DLGAP5: variants seen among roughly 807,000 people sequenced by gnomAD.
DLGAP5 encodes DLG associated protein 5.
DLGAP5 carries 90 observed loss-of-function variants against 99.6 expected under a neutral mutation model. The ratio of observed to expected loss-of-function variants is 0.90; its 90% confidence interval spans 0.76 to 1.08. DLGAP5 has a LOEUF of 1.08. DLGAP5 is among the 50% of genes least tolerant of loss of function. The pLI is 0.00. For synonymous variants in DLGAP5, 311 were observed against 321.3 expected, an observed-to-expected ratio of 0.97 and a Z score of 0.34; for missense variants, 1,036 against 983.5, an observed-to-expected ratio of 1.05 and a Z score of -0.71.
chr14:55,149,252 T>G (rs1299696034), intron 18 of DLGAP5, among the ~76,000 whole-genome samples: 1 of 152,210 alleles, frequency 6.6e-6, no homozygotes, highest in Non-Finnish European at 1.5e-5. Context: ...AATCAATCAT[T>G]CAGGGTTCGA....
Position 55,158,442 on chromosome 14 carries a change from C to G in DLGAP5, c.1873+80G>C, listed in dbSNP as rs1018720255. On this transcript the variant is annotated intron_variant, in intron 14 of 18. Transcript: ENST00000247191. Reference sequence around the variant, plus strand: ...GTAAAAAACTATTTTTCACCTTACACAAGCCCCCATCTATCCCAAATATTT... The same window carrying G: ...GTAAAAAACTATTTTTCACCTTACAGAAGCCCCCATCTATCCCAAATATTT... 1.1e-5 allele frequency: 13 copies of G among 1,208,088 alleles called. No individual in the cohort carries two copies. The East Asian group carries it at 3.2e-4, about 30-fold the overall frequency. 74.8% of individuals were successfully genotyped at this position (1,208,088 alleles called of 1,614,324 possible). A position where few individuals can be genotyped will look rare whatever the true frequency, so the allele number is the denominator to read the frequency against.
intron 1 of DLGAP5, among the ~76,000 whole-genome samples, chr14:55,189,656 T>A (rs776605629): frequency 5.9e-5 from 9 of 152,172 alleles, no homozygotes; most frequent in Non-Finnish European, 1.0e-4. Context: ...GGCAACCGGA[T>A]ACAGATAGAG....
chr14:55,149,052 T>C (rs1411978348), intron 18 of DLGAP5, among the ~76,000 whole-genome samples: 2 of 152,170 alleles, frequency 1.3e-5, no homozygotes, highest in African/African-American at 4.8e-5. Flanking sequence ...AACCAATAAT[T>C]TGGGTCTAAA....
rs1566501001 is a variant in DLGAP5, at chr14:55,169,570, T to C, written c.1388-11A>G. On this transcript the variant is annotated splice_polypyrimidine_tract_variant and intron_variant, in intron 11 of 18. Transcript: ENST00000247191. ...GAATAAGATCTTTAGCTGAAGGAAA[T>C]AAGAGATTTTTTAAAATTAAAGGAC... 6.3e-7 allele frequency: 1 copy of C among 1,574,994 alleles called. No individual in the cohort carries two copies. The highest frequency in any genetic ancestry group is 1.7e-4 in the Middle Eastern group (1 of 5,878).
At chr14:55,184,928 A>G (rs1389313621) in intron 2 of DLGAP5, among the ~76,000 whole-genome samples, 1 of 152,192 alleles carries the variant, frequency 6.6e-6, no homozygotes, top group Non-Finnish European at 1.5e-5. Flanking sequence ...TTATTGTTTT[A>G]AGCTGCTAAG....
At chr14:55,158,465 T>C in intron 14 of DLGAP5, 57 bp downstream of exon 14, 1 of 1,456,600 alleles carries the variant, frequency 6.9e-7, no homozygotes, top group East Asian at 2.3e-5. Flanking sequence ...ATCCCAAATA[T>C]TTCTCTTAAG....
chr14:55,188,698 A>G (rs1294330116), intron 2 of DLGAP5, among the ~76,000 whole-genome samples: 2 of 150,126 alleles, frequency 1.3e-5, no homozygotes, highest in African/African-American at 4.9e-5. Flanking sequence ...TAATTCCTTG[A>G]GCCCAGGAAT....
At chr14:55,190,759 C>CGAGGAGA (rs1883588129) in intron 1 of DLGAP5, among the ~76,000 whole-genome samples, 1 of 152,020 alleles carries the variant, frequency 6.6e-6, no homozygotes, top group Non-Finnish European at 1.5e-5. Flanking sequence ...CCTCTAAGAC[C>CGAGGAGA]CAAGGAAAGT....
At chr14:55,153,780 G>A (rs981617390) in intron 15 of DLGAP5, among the ~76,000 whole-genome samples, 5 of 151,652 alleles carry the variant, frequency 3.3e-5, no homozygotes, top group East Asian at 2.0e-4. Flanking sequence ...AAAGTAGGCC[G>A]GGCATGGTGG....
In DLGAP5 at chr14:55,169,569, A is replaced by G. The variant is rs1386948618; in HGVS notation, c.1388-10T>C. ...CGAATAAGATCTTTAGCTGAAGGAA[A>G]TAAGAGATTTTTTAAAATTAAAGGA... On this transcript the variant is annotated splice_polypyrimidine_tract_variant and intron_variant, in intron 11 of 18. Coordinates refer to ENST00000247191, the MANE Select transcript of DLGAP5 (RefSeq NM_014750.5). 6.3e-7 allele frequency: 1 copy of G among 1,576,848 alleles called. No homozygotes were observed.
intron 2 of DLGAP5, 134 bp downstream of exon 2, chr14:55,188,808 A>C: frequency 1.6e-6 from 1 of 631,610 alleles, no homozygotes; most frequent in Non-Finnish European, 2.6e-6. Context: ...AAAAGGAAAA[A>C]GACCAAAAAG....
chr14:55,169,811 ACT>A (rs1882789242), intron 11 of DLGAP5, among the ~76,000 whole-genome samples: 1 of 152,216 alleles, frequency 6.6e-6, no homozygotes, highest in Non-Finnish European at 1.5e-5. Context: ...TTCTTGTTGT[ACT>A]TTATAAGAAC....
Position 55,154,748 on chromosome 14 carries a change from G to A in DLGAP5, c.1932C>T (p.Asn644=). 1.2e-6 allele frequency: 2 copies of A among 1,614,116 alleles called. No homozygotes were observed. Among genetic ancestry groups the A allele is most frequent in the Non-Finnish European group, 1.7e-6 (2 of 1,180,012 alleles). The stretch of plus-strand genomic sequence containing the variant: ...CATTTCTACTCTGAGATACAGCTTT[G>A]TTGACAGACTTAGGTGTTCCAAGTC... ...SQRLGTPKSV[N]KAVSQSRNEM... The change falls in exon 15 of 19, where the codon AAC becomes AAT. Residue 644 remains asparagine (N), a synonymous_variant. Coordinates refer to ENST00000247191, the MANE Select transcript of DLGAP5 (RefSeq NM_014750.5).
intron 14 of DLGAP5, among the ~76,000 whole-genome samples, chr14:55,156,736 C>A (rs576184910): frequency 6.6e-6 from 1 of 152,094 alleles, no homozygotes; most frequent in Admixed American, 6.5e-5. Context: ...ATGAAAGTAC[C>A]CTGAAACAAA....
rs1490499459 is a variant in DLGAP5 at position 55,177,130 on chromosome 14, AG to A, written c.980del (p.Pro327LeufsTer2). The A allele has an allele frequency of 6.3e-7, 1 of 1,585,334 alleles. No individual in the cohort carries two copies. On this transcript the variant is annotated frameshift_variant, in exon 8 of 19. Transcript: ENST00000247191. LOFTEE classifies it high-confidence loss of function. ...LDGLKTYQVT[P>X]MTPRSANAFL... is the part of the protein sequence containing the mutation. Reference sequence around the variant, plus strand: ...AAGCATTGGCACTTCTGGGAGTCATAGGTGTTACTTGATAGGTCTTCAGACC... The same window carrying A: ...AAGCATTGGCACTTCTGGGAGTCATAGTGTTACTTGATAGGTCTTCAGACC...
chr14:55,156,201 A>C (rs1227106176), intron 14 of DLGAP5, among the ~76,000 whole-genome samples: 1 of 152,228 alleles, frequency 6.6e-6, no homozygotes, highest in Non-Finnish European at 1.5e-5. Flanking sequence ...AATGGAGCTA[A>C]ACACAGAAGG....
Position 55,181,193 on chromosome 14 carries a change from G to A in DLGAP5, c.580+20C>T. On this transcript the variant is annotated intron_variant, in intron 5 of 18. Transcript: ENST00000247191. The stretch of plus-strand genomic sequence containing the variant: ...CTGTGGTAGCCTCAGAGGATTTATA[G>A]TAATTGCTAATATTCCTACCTTTTT... The A allele has an allele frequency of 6.2e-7, 1 of 1,604,720 alleles. No homozygotes were observed. The highest frequency in any genetic ancestry group is 8.5e-7 in the Non-Finnish European group (1 of 1,174,286).
chr14:55,156,067 G>A (rs1281839412), intron 14 of DLGAP5, among the ~76,000 whole-genome samples: 1 of 151,808 alleles, frequency 6.6e-6, no homozygotes, highest in African/African-American at 2.4e-5. Context: ...CTCCAGCCTG[G>A]GCAATAGAGT....
intron 7 of DLGAP5, among the ~76,000 whole-genome samples, chr14:55,177,797 A>T (rs898161661): frequency 5.3e-5 from 8 of 151,452 alleles, no homozygotes; most frequent in African/African-American, 1.9e-4. Flanking sequence ...TAGGCCTCCC[A>T]AAGTGCTGGG....
Sources: allele counts gnomAD v4.1 joint callset (sites outside exome capture counted in the v4.1 genomes callset), GRCh38; gene constraint gnomAD v4.1.1; transcripts MANE v1.5; gene names NCBI Gene and HGNC (gene_info 2026-07-23, HGNC 2026-07-21).